The following LRRC41 variants were observed in gnomAD, a reference collection of about 807,000 sequenced individuals.
LRRC41 encodes the protein leucine rich repeat containing 41, also known as leucine-rich repeat-containing protein 41.
A neutral mutation model predicts 72.1 loss-of-function variants in LRRC41; 17 were observed. That is an observed-to-expected ratio of 0.24 (90% confidence interval 0.16 to 0.35). The LOEUF is 0.35. LRRC41 is among the 10% of genes least tolerant of loss of function. The pLI is 1.00. For missense variants in LRRC41, 759 were observed against 1,065.0 expected (o/e 0.71, Z 4.00); for synonymous variants, 427 against 431.0 (o/e 0.99, Z 0.11).
intron 7 of LRRC41, 43 bp downstream of exon 7, chr1:46,280,149 G>C (rs1470914849): frequency 2.1e-6 from 3 of 1,458,972 alleles, no homozygotes; most frequent in Non-Finnish European, 2.9e-6. Flanking sequence ...CAGAACCATA[G>C]TGAAGACCCA....
rs1660663820 is a variant in LRRC41 at position 46,277,907 on chromosome 1, CG to C, written c.*957del. Reference sequence around the variant, plus strand: ...GGTGGATGAGGAGCAGGATGTAGAGCGCCACTTCTCTCTGGGCGAGTTGAAG... The same window carrying C: ...GGTGGATGAGGAGCAGGATGTAGAGCCCACTTCTCTCTGGGCGAGTTGAAG... On this transcript the variant is annotated 3_prime_UTR_variant, in exon 10 of 10. Coordinates refer to ENST00000617190, the MANE Select transcript of LRRC41 (RefSeq NM_006369.5). The C allele has an allele frequency of 3.7e-6, 6 of 1,614,032 alleles. No individual in the cohort carries two copies. In the East Asian group the frequency reaches 1.3e-4, roughly 36 times the overall value.
intron 4 of LRRC41, among the ~76,000 whole-genome samples, chr1:46,281,795 C>G (rs1660780572): frequency 6.6e-6 from 1 of 152,186 alleles, no homozygotes; most frequent in Admixed American, 6.5e-5. Context: ...AGAGTCCCAG[C>G]TAGCCGGGAG....
intron 3 of LRRC41, among the ~76,000 whole-genome samples, chr1:46,289,117 T>C (rs1660947248): frequency 6.6e-6 from 1 of 152,206 alleles, no homozygotes; most frequent in African/African-American, 2.4e-5. Flanking sequence ...TACTGGACTT[T>C]TTCAGACATG....
intron 1 of LRRC41, 91 bp downstream of exon 1, chr1:46,303,033 C>A (rs1166359966): frequency 8.2e-6 from 11 of 1,339,500 alleles, no homozygotes; most frequent in Non-Finnish European, 1.0e-5. Context: ...TGGGCCTTGC[C>A]CCGGGCCTCC....
intron 4 of LRRC41, among the ~76,000 whole-genome samples, 198 bp from the exon 5 acceptor site, chr1:46,281,583 T>C (rs1223311212): frequency 2.0e-5 from 3 of 152,240 alleles, no homozygotes; most frequent in Non-Finnish European, 4.4e-5. Flanking sequence ...GTCTGCTGTT[T>C]TGGGTTATGC....
At position 46,277,889 on chromosome 1, in the gene LRRC41, G is replaced by A. The variant is rs746927114; in HGVS notation, c.*976C>T. The A allele has an allele frequency of 6.2e-7, 1 of 1,614,112 alleles. No homozygotes were observed. The highest frequency in any genetic ancestry group is 8.5e-7 in the Non-Finnish European group (1 of 1,180,014). The stretch of plus-strand genomic sequence containing the variant: ...GGCACTGAGCAGCTGTGTGGTGGAT[G>A]AGGAGCAGGATGTAGAGCGCCACTT... On this transcript the variant is annotated 3_prime_UTR_variant, in exon 10 of 10. Transcript: ENST00000617190.
At chr1:46,287,010 C>T (rs545370708) in intron 3 of LRRC41, among the ~76,000 whole-genome samples, 28 of 151,400 alleles carry the variant, frequency 1.8e-4, no homozygotes, top group African/African-American at 6.8e-4. Flanking sequence ...ATCATATTGA[C>T]CAGGCTGGTC....
In LRRC41 at chr1:46,280,630, GTTC is replaced by G. The variant is rs1660753635; in HGVS notation, c.1757-73_1757-71del. On this transcript the variant is annotated intron_variant, in intron 5 of 9. Coordinates refer to ENST00000617190, the MANE Select transcript of LRRC41 (RefSeq NM_006369.5). Reference sequence around the variant, plus strand: ...TCACTCCCATAGCAGGTCCCATCCTGTTCTTAAGGGATTCATCTAAAAAATTAT... The same window carrying G: ...TCACTCCCATAGCAGGTCCCATCCTGTTAAGGGATTCATCTAAAAAATTAT... 5.5e-6 allele frequency: 8 copies of G among 1,463,750 alleles called. No individual in the cohort carries two copies. In the South Asian group the frequency reaches 8.8e-5, roughly 16 times the overall value. 90.7% of individuals were successfully genotyped at this position (1,463,750 alleles called of 1,614,324 possible).
chr1:46,280,751 C>A (rs894161731), intron 5 of LRRC41, among the ~76,000 whole-genome samples, 191 bp from the exon 6 acceptor site: 7 of 152,124 alleles, frequency 4.6e-5, no homozygotes, highest in Non-Finnish European at 2.9e-5. Context: ...TAGTCCTTGC[C>A]CTTGTAGAAA....
In LRRC41 at chr1:46,303,547, C is replaced by T; in HGVS notation, c.-225G>A. On this transcript the variant is annotated 5_prime_UTR_variant, in exon 1 of 10. Coordinates refer to ENST00000617190, the MANE Select transcript of LRRC41 (RefSeq NM_006369.5). Reference sequence around the variant, plus strand: ...GTATGACTAAGGGGATGTTTCTTAGCAAAGCCTCCTCGGGTGCAAACATCA... The same window carrying T: ...GTATGACTAAGGGGATGTTTCTTAGTAAAGCCTCCTCGGGTGCAAACATCA... 2.6e-6 allele frequency: 2 copies of T among 774,536 alleles called. No individual in the cohort carries two copies. The highest frequency in any genetic ancestry group is 2.0e-6 in the Non-Finnish European group (1 of 492,986). The allele number at this position is 774,536 out of a possible 1,614,324, so 48.0% of individuals were successfully genotyped here.
intron 3 of LRRC41, among the ~76,000 whole-genome samples, chr1:46,287,023 G>A (rs557836633): frequency 6.6e-6 from 1 of 151,548 alleles, no homozygotes; most frequent in Non-Finnish European, 1.5e-5. Context: ...GGCTGGTCTT[G>A]AACTCTAGAC....
At chr1:46,283,186 G>A (rs1660815439) in intron 4 of LRRC41, among the ~76,000 whole-genome samples, 1 of 152,174 alleles carries the variant, frequency 6.6e-6, no homozygotes, top group Admixed American at 6.5e-5. Context: ...TTCAAAGGAT[G>A]CTTGGGCTGC....
intron 3 of LRRC41, chr1:46,297,279 G>A (rs1661143816): frequency 6.4e-6 from 2 of 313,132 alleles, no homozygotes; most frequent in African/African-American, 2.1e-5. Flanking sequence ...TGTTAGATTT[G>A]ACCACTGCAC....
chr1:46,289,527 C>T (rs556786388), intron 3 of LRRC41, among the ~76,000 whole-genome samples: 5 of 151,764 alleles, frequency 3.3e-5, no homozygotes, highest in East Asian at 3.9e-4. Context: ...TTTGGGAGGC[C>T]GAGGCGGGGG....
At position 46,302,572 on chromosome 1, in the gene LRRC41, A is replaced by G; in HGVS notation, c.199+552T>C. 2 of 983,724 alleles carry G rather than the reference A, an allele frequency of 2.0e-6. No individual in the cohort carries two copies. Among genetic ancestry groups the G allele is most frequent in the Non-Finnish European group, 2.4e-6 (2 of 829,448 alleles). The allele number at this position is 983,724 out of a possible 1,614,324, so 60.9% of individuals were successfully genotyped here. A position where few individuals can be genotyped will look rare whatever the true frequency, so the allele number is the denominator to read the frequency against. On this transcript the variant is annotated intron_variant, in intron 1 of 9. Coordinates refer to ENST00000617190, the MANE Select transcript of LRRC41 (RefSeq NM_006369.5). The surrounding 1 kb of genome is among the most constrained non-coding windows in gnomAD (Gnocchi z 4.7). Reference sequence around the variant, plus strand: ...CCCCTGCCCCATTCCCTCGCTCTCCAATCTGCTGTCCTCCCCTCCGCCCAT... The same window carrying G: ...CCCCTGCCCCATTCCCTCGCTCTCCGATCTGCTGTCCTCCCCTCCGCCCAT...
rs780986885 is a variant in LRRC41 at position 46,278,051 on chromosome 1, A to T, written c.*814T>A. The T allele has an allele frequency of 6.2e-7, 1 of 1,614,108 alleles. No homozygotes were observed. The highest frequency in any genetic ancestry group is 1.1e-5 in the South Asian group (1 of 91,072). ...GGGAGATGGGATCTGTAGTGACTTC[A>T]GCTGTGCCTTCTGTCCCTAGGTTGC... On this transcript the variant is annotated 3_prime_UTR_variant, in exon 10 of 10. Coordinates refer to ENST00000617190, the MANE Select transcript of LRRC41 (RefSeq NM_006369.5).
intron 3 of LRRC41, 30 bp downstream of exon 3, chr1:46,297,533 G>A (rs1192545041): frequency 6.3e-7 from 1 of 1,576,138 alleles, no homozygotes. Context: ...GCAAAATCAG[G>A]CTAGCATTCT....
Position 46,278,761 on chromosome 1 carries a change from CAGAA to C in LRRC41, c.*100_*103del, listed in dbSNP as rs759135928. The C allele has an allele frequency of 4.1e-5, 48 of 1,160,720 alleles. No homozygotes were observed. Among genetic ancestry groups the C allele is most frequent in the Middle Eastern group, 4.0e-4 (2 of 5,038 alleles). 71.9% of individuals were successfully genotyped at this position (1,160,720 alleles called of 1,614,324 possible). A position where few individuals can be genotyped will look rare whatever the true frequency, so the allele number is the denominator to read the frequency against. On this transcript the variant is annotated 3_prime_UTR_variant, in exon 10 of 10. Transcript: ENST00000617190. ...GAAGGAAAAAAGAGAAAAAAGGTGA[CAGAA>C]AGAGAAAGATAGAACTGGTGGTTGG... is the stretch of plus-strand genomic sequence containing the variant.
Position 46,294,592 on chromosome 1 carries a change from C to CTT in LRRC41, c.357+2969_357+2970dup, listed in dbSNP as rs60249294. Among the ~76,000 whole-genome samples the CTT allele has an allele frequency of 4.4e-3, 478 of 108,334 alleles. 11 individuals carry two copies. Among genetic ancestry groups the CTT allele is most frequent in the East Asian group, 8.2e-3 (27 of 3,276 alleles). 71.1% of individuals were successfully genotyped at this position (108,334 alleles called of 152,430 possible). On this transcript the variant is annotated intron_variant, in intron 3 of 9. Transcript: ENST00000617190. ...GTGCCTTTACTTTTTACAACTAATT[C>CTT]TTTTTTTTTTTTTTTTTTTTGAGTC...
Sources: gnomAD v4.1 joint callset for allele counts (sites outside exome capture counted in the v4.1 genomes callset) on GRCh38, gnomAD v4.1.1 for gene constraint, Gnocchi (gnomAD v3.1) non-coding constraint, MANE v1.5 for transcripts, NCBI Gene and HGNC (gene_info 2026-07-23, HGNC 2026-07-21) for gene names.